The following PTBP2 variants were observed in gnomAD, a reference collection of about 807,000 sequenced individuals.
PTBP2 encodes the protein polypyrimidine tract-binding protein 2.
In PTBP2, 13 loss-of-function variants were observed where a neutral mutation model predicts 61.4. The ratio of observed to expected loss-of-function variants is 0.21; its 90% CI spans 0.14 to 0.34. The LOEUF is 0.34. PTBP2 is among the 10% of genes least tolerant of loss of function. The pLI is 1.00. For missense variants in PTBP2, 405 were observed against 642.6 expected (o/e 0.63, Z 4.00); for synonymous variants, 215 against 218.5 (o/e 0.98, Z 0.14).
intron 8 of PTBP2, among the ~76,000 whole-genome samples, chr1:96,801,210 A>C (rs968526705): frequency 6.6e-6 from 1 of 152,116 alleles, no homozygotes; most frequent in Admixed American, 6.5e-5. Flanking sequence ...TGAGTAGGAG[A>C]TGACTGAGAG....
Position 96,769,818 on chromosome 1 carries a change from T to C in PTBP2, c.231T>C (p.Ala77=). ...AAGTAACAGAAACTGAAGTTATTGC[T>C]TTAGGCTTACCTTTTGGTAAGGTGA... is the stretch of plus-strand genomic sequence containing the variant. ...PGEVTETEVI[A]LGLPFGKVTN... is the part of the protein sequence containing the mutation. Residue 77 remains alanine, a synonymous_variant, in exon 4 of 14, where the codon GCT becomes GCC. Transcript: ENST00000674951. The C allele has an allele frequency of 6.2e-7, 1 of 1,611,008 alleles. No individual in the cohort carries two copies. Among genetic ancestry groups the C allele is most frequent in the Non-Finnish European group, 8.5e-7 (1 of 1,178,382 alleles).
chr1:96,779,804 A>G (rs1658448088), intron 7 of PTBP2, among the ~76,000 whole-genome samples: 1 of 152,096 alleles, frequency 6.6e-6, no homozygotes, highest in Non-Finnish European at 1.5e-5. Context: ...TGCATTTTTG[A>G]TAACTACAGT....
chr1:96,809,949 A>G (rs952799206), intron 11 of PTBP2, among the ~76,000 whole-genome samples: 1 of 152,262 alleles, frequency 6.6e-6, no homozygotes, highest in Non-Finnish European at 1.5e-5. Flanking sequence ...CACAAGTTGG[A>G]TTCTTTGAAA....
chr1:96,791,040 G>C (rs185817879), intron 8 of PTBP2, among the ~76,000 whole-genome samples: 1 of 151,256 alleles, frequency 6.6e-6, no homozygotes, highest in East Asian at 1.9e-4. Context: ...ATCCAGGTAT[G>C]CATGTTATTT....
intron 3 of PTBP2, among the ~76,000 whole-genome samples, chr1:96,758,415 AACTG>A (rs1319652292): frequency 1.3e-5 from 2 of 152,118 alleles, no homozygotes; most frequent in Non-Finnish European, 2.9e-5. Flanking sequence ...AAACCACTAT[AACTG>A]ACAGCAAAAC....
intron 3 of PTBP2, among the ~76,000 whole-genome samples, chr1:96,765,563 T>C (rs1026777794): frequency 5.9e-5 from 9 of 152,058 alleles, no homozygotes; most frequent in African/African-American, 2.2e-4. Context: ...ATAGAAAAAT[T>C]AGCTGGGTGT....
chr1:96,805,900 G>C (rs949790845), intron 9 of PTBP2, among the ~76,000 whole-genome samples: 2 of 152,104 alleles, frequency 1.3e-5, no homozygotes, highest in African/African-American at 4.8e-5. Flanking sequence ...ATGAAATGCT[G>C]TAATTTACTC....
At chr1:96,725,324 CAG>C (rs1166830092) in intron 2 of PTBP2, among the ~76,000 whole-genome samples, 2 of 130,372 alleles carry the variant, frequency 1.5e-5, no homozygotes, top group African/African-American at 2.8e-5. Context: ...TTTTTTGAGA[CAG>C]AGTCTCACTC....
intron 3 of PTBP2, among the ~76,000 whole-genome samples, chr1:96,763,574 G>T (rs1219325663): frequency 7.1e-6 from 1 of 141,232 alleles, no homozygotes; most frequent in African/African-American, 2.7e-5. Flanking sequence ...TGTGGAAAGA[G>T]AGGGAGAGGG....
intron 3 of PTBP2, among the ~76,000 whole-genome samples, chr1:96,762,912 G>C (rs377426911): frequency 2.6e-5 from 4 of 151,724 alleles, no homozygotes; most frequent in Non-Finnish European, 4.4e-5. Context: ...GGTCGCGGCC[G>C]GGTAGAGGCG....
In PTBP2 at chr1:96,785,133, T is replaced by C; in HGVS notation, c.783T>C (p.Asn261=). The C allele has an allele frequency of 6.2e-7, 1 of 1,610,174 alleles. No homozygotes were observed. The highest frequency in any genetic ancestry group is 8.5e-7 in the Non-Finnish European group (1 of 1,177,400). The part of the protein sequence containing the change: ...RIDFSKLVNL[N]VKYNNDKSRD... ...ATTTTTCCAAACTTGTGAATTTGAA[T>C]GTAAAATACAACAATGATAAAAGTA... Residue 261 remains asparagine (N), a synonymous_variant, in exon 8 of 14, where the codon AAT becomes AAC. Coordinates refer to ENST00000674951, the MANE Select transcript of PTBP2 (RefSeq NM_021190.4).
At chr1:96,818,426 C>T (rs1662560914), downstream of PTBP2, 1 of 152,020 alleles carries the variant, frequency 6.6e-6, no homozygotes, top group East Asian at 1.9e-4. Flanking sequence ...AATTTTGTAG[C>T]ATATATTTGT....
rs761666543 is a variant in PTBP2 at position 96,723,156 on chromosome 1, T to TC, written c.9-402dup. ...AAACAAATCCAGAGAAGTTCAGTAT[T>TC]CCCCCCAGATCAACACGGAAATTGA... On this transcript the variant is annotated intron_variant, in intron 1 of 13. Coordinates refer to ENST00000674951, the MANE Select transcript of PTBP2 (RefSeq NM_021190.4). Among the ~76,000 whole-genome samples, 6 of 151,022 alleles carry TC rather than the reference T, an allele frequency of 4.0e-5. No homozygotes were observed. The East Asian group carries it at 9.9e-4, about 25-fold the overall frequency.
chr1:96,765,670 C>G (rs984614537), intron 3 of PTBP2, among the ~76,000 whole-genome samples: 1 of 151,814 alleles, frequency 6.6e-6, no homozygotes, highest in Non-Finnish European at 1.5e-5. Flanking sequence ...AAGATCATGC[C>G]ACTGCACTCC....
At chr1:96,797,837 C>A (rs1441951976) in intron 8 of PTBP2, among the ~76,000 whole-genome samples, 2 of 152,058 alleles carry the variant, frequency 1.3e-5, no homozygotes, top group Admixed American at 6.6e-5. Flanking sequence ...TGCAGTACAC[C>A]ATTGTTTTAC....
At chr1:96,769,958 T>C in intron 4 of PTBP2, 83 bp downstream of exon 4, 1 of 1,110,062 alleles carries the variant, frequency 9.0e-7, no homozygotes, top group Non-Finnish European at 1.2e-6. Context: ...GAGAAAATAG[T>C]AGGTTATTTT....
At chr1:96,757,641 C>A (rs987913615) in intron 3 of PTBP2, among the ~76,000 whole-genome samples, 1 of 152,082 alleles carries the variant, frequency 6.6e-6, no homozygotes, top group Non-Finnish European at 1.5e-5. Flanking sequence ...AAAATAACTT[C>A]AAGTGTACAT....
intron 1 of PTBP2, among the ~76,000 whole-genome samples, chr1:96,722,939 A>G (rs78093879): frequency 0.011 from 1,739 of 152,314 alleles, 37 homozygotes; most frequent in African/African-American, 0.04. Flanking sequence ...CTCTTTTGGG[A>G]GTGTAAACAT....
intron 11 of PTBP2, among the ~76,000 whole-genome samples, chr1:96,808,382 TCTTCCC>T (rs1395766906): frequency 6.6e-6 from 1 of 152,112 alleles, no homozygotes; most frequent in Non-Finnish European, 1.5e-5. Flanking sequence ...CAGCCAACCA[TCTTCCC>T]CCTGTGTCCT....
Sources: allele counts gnomAD v4.1 joint callset (sites outside exome capture counted in the v4.1 genomes callset), GRCh38; gene constraint gnomAD v4.1.1; transcripts MANE v1.5; gene names NCBI Gene and HGNC (gene_info 2026-07-23, HGNC 2026-07-21).